LIFR: variants seen among roughly 807,000 people sequenced by gnomAD.
The protein encoded by LIFR is leukemia inhibitory factor receptor.
Under a neutral mutation model 122.2 loss-of-function variants are expected in LIFR, and 84 were observed. The observed-to-expected ratio is 0.69, with a 90% CI of 0.58 to 0.82. The LOEUF is 0.82. Among genes scored for constraint, LIFR ranks in the 40% least tolerant of loss-of-function variants. The probability of loss-of-function intolerance (pLI) is 0.00; values close to 1 mark genes in which losing one functional copy is unlikely to be tolerated. For missense variants in LIFR, 1,294 were observed against 1,311.6 expected, an observed-to-expected ratio of 0.99 and a Z score of 0.21; for synonymous variants, 422 against 434.7, an observed-to-expected ratio of 0.97 and a Z score of 0.36.
intron 1 of LIFR, among the ~76,000 whole-genome samples, chr5:38,536,247 C>A (rs1561187451): frequency 6.6e-6 from 1 of 152,108 alleles, no homozygotes; most frequent in Non-Finnish European, 1.5e-5. Context: ...CTACCATAGA[C>A]CCTTCATATC....
intron 1 of LIFR, among the ~76,000 whole-genome samples, chr5:38,548,067 A>T (rs1747994643): frequency 6.6e-6 from 1 of 152,082 alleles, no homozygotes. Flanking sequence ...CAGTAAGATC[A>T]TGTGCTAGAA....
At chr5:38,555,178 A>T (rs1305867734) in intron 1 of LIFR, 1 of 152,258 alleles carries the variant, frequency 6.6e-6, no homozygotes, top group African/African-American at 2.4e-5. Context: ...GAAGACAACT[A>T]AAAGAATGGT....
At chr5:38,512,717 T>C (rs1745867327) in intron 5 of LIFR, among the ~76,000 whole-genome samples, 1 of 152,020 alleles carries the variant, frequency 6.6e-6, no homozygotes, top group South Asian at 2.1e-4. Flanking sequence ...CCTTTGAGCA[T>C]CATGGTGGTG....
Position 38,480,142 on chromosome 5 carries a change from A to C in LIFR, c.*1453T>G, listed in dbSNP as rs1256327069. On this transcript the variant is annotated 3_prime_UTR_variant, in exon 20 of 20. Coordinates refer to ENST00000453190, the MANE Select transcript of LIFR (RefSeq NM_001127671.2). ...ACAAACAAACAACCAAAAAAAACAA[A>C]CAAAAAAGACATATCTTATTCGGAC... 1 of 228,918 alleles carries C rather than the reference A, an allele frequency of 4.4e-6. No individual in the cohort carries two copies. The highest frequency in any genetic ancestry group is 8.7e-6 in the Non-Finnish European group (1 of 115,588). The allele number at this position is 228,918 out of a possible 1,614,324, so 14.2% of individuals were successfully genotyped here.
chr5:38,605,944 C>G (rs1750319302), intron 2 of LIFR, among the ~76,000 whole-genome samples: 1 of 152,168 alleles, frequency 6.6e-6, no homozygotes, highest in Non-Finnish European at 1.5e-5. Context: ...GTGCCCCGAC[C>G]ACCTCGTCGT....
chr5:38,476,085 A>G lies in LIFR; in HGVS notation c.*5510T>C, dbSNP rs2112331547. 5.0e-6 allele frequency: 1 copy of G among 198,820 alleles called. No homozygotes were observed. The highest frequency in any genetic ancestry group is 1.0e-5 in the Non-Finnish European group (1 of 96,024). 12.3% of individuals were successfully genotyped at this position (198,820 alleles called of 1,614,324 possible). A position where few individuals can be genotyped will look rare whatever the true frequency, so the allele number is the denominator to read the frequency against. ...CACAATGTTATTCATATTTTTCCTA[A>G]ATATTGTGTTGGAAGGAAAAATTAA... On this transcript the variant is annotated 3_prime_UTR_variant, in exon 20 of 20. Transcript: ENST00000453190.
At chr5:38,587,974 A>T (rs1012035666) in intron 1 of LIFR, among the ~76,000 whole-genome samples, 1 of 152,162 alleles carries the variant, frequency 6.6e-6, no homozygotes, top group South Asian at 2.1e-4. Flanking sequence ...CTCAGTTGCT[A>T]CTGTAGAATT....
chr5:38,502,725 T>A lies in LIFR; in HGVS notation c.1512A>T (p.Leu504=), dbSNP rs1239365534. Residue 504 remains leucine (L), a synonymous_variant, in exon 11 of 20, where the codon CTA becomes CTT. Transcript: ENST00000453190. Reference sequence around the variant, plus strand: ...TAGAACAACGAATCCGAAAAGTATATAGAGTGTATGGATTTAACTTGTCCA... The same window carrying A: ...TAGAACAACGAATCCGAAAAGTATAAAGAGTGTATGGATTTAACTTGTCCA... ...VALDKLNPYT[L]YTFRIRCSTE... 6.2e-7 allele frequency: 1 copy of A among 1,610,942 alleles called. No individual in the cohort carries two copies. The highest frequency in any genetic ancestry group is 8.5e-7 in the Non-Finnish European group (1 of 1,177,186).
At position 38,496,516 on chromosome 5, in the gene LIFR, A is replaced by C; in HGVS notation, c.1751T>G (p.Leu584Arg). 1 of 1,613,928 alleles carries C rather than the reference A, an allele frequency of 6.2e-7. No individual in the cohort carries two copies. The highest frequency in any genetic ancestry group is 8.5e-7 in the Non-Finnish European group (1 of 1,179,738). The change falls in exon 13 of 20, where the codon CTT becomes CGT. Residue 584 changes from leucine (L) to arginine (R), a missense_variant. Coordinates refer to ENST00000453190, the MANE Select transcript of LIFR (RefSeq NM_001127671.2). The stretch of plus-strand genomic sequence containing the variant: ...GTGCTGAGGATCAGGGATTTCAGAA[A>C]GGGACTGTGTTTCCTCATCTGATGA... ...SCSSDEETQSLSEIPDPQHKA... is the reference protein window; with the variant it reads ...SCSSDEETQSRSEIPDPQHKA...
At chr5:38,573,445 A>C (rs1379665847) in intron 1 of LIFR, among the ~76,000 whole-genome samples, 1 of 152,250 alleles carries the variant, frequency 6.6e-6, no homozygotes, top group Non-Finnish European at 1.5e-5. Flanking sequence ...CATATTACTT[A>C]GAACAGAAGT....
At chr5:38,493,576 A>C in intron 14 of LIFR, 30 bp downstream of exon 14, 1 of 1,599,516 alleles carries the variant, frequency 6.3e-7, no homozygotes, top group Non-Finnish European at 8.6e-7. Flanking sequence ...ATTTTGTAGA[A>C]CTTAATTGAG....
At chr5:38,503,075 G>A (rs2112458992) in intron 10 of LIFR, among the ~76,000 whole-genome samples, 1 of 152,146 alleles carries the variant, frequency 6.6e-6, no homozygotes, top group South Asian at 2.1e-4. Flanking sequence ...CTGGCTCTAA[G>A]TAATAATGGT....
intron 5 of LIFR, among the ~76,000 whole-genome samples, chr5:38,516,900 C>A (rs1746112157): frequency 6.6e-6 from 1 of 152,130 alleles, no homozygotes; most frequent in Non-Finnish European, 1.5e-5. Context: ...AGTTCATGTC[C>A]TTTGCAGGGA....
At chr5:38,509,569 G>GA (rs1745682444) in intron 7 of LIFR, among the ~76,000 whole-genome samples, 1 of 152,004 alleles carries the variant, frequency 6.6e-6, no homozygotes, top group Non-Finnish European at 1.5e-5. Flanking sequence ...ATCATAAAAA[G>GA]AAAGAAAGAA....
chr5:38,522,886 A>C (rs1746477566), intron 5 of LIFR, among the ~76,000 whole-genome samples: 1 of 152,212 alleles, frequency 6.6e-6, no homozygotes. Flanking sequence ...GAAAGGGAGC[A>C]TTTCCAGGTA....
chr5:38,542,493 G>A (rs10071384), intron 1 of LIFR, among the ~76,000 whole-genome samples: 1 of 151,914 alleles, frequency 6.6e-6, no homozygotes, highest in South Asian at 2.1e-4. Flanking sequence ...CCTGCACAAA[G>A]GCAATGCTTC....
chr5:38,527,086 G>T, intron 4 of LIFR, 69 bp downstream of exon 4: 2 of 1,395,340 alleles, frequency 1.4e-6, no homozygotes, highest in South Asian at 1.3e-5. Flanking sequence ...CAAAAAACTA[G>T]AAAGCACCAC....
chr5:38,503,919 T>C (rs1200005407), intron 10 of LIFR, 57 bp downstream of exon 10: 4 of 1,275,042 alleles, frequency 3.1e-6, no homozygotes, highest in Non-Finnish European at 4.5e-6. Flanking sequence ...GCTTAATTCT[T>C]TTTGAGAACT....
At chr5:38,581,276 A>T (rs1214788907) in intron 1 of LIFR, among the ~76,000 whole-genome samples, 2 of 151,942 alleles carry the variant, frequency 1.3e-5, no homozygotes, top group African/African-American at 2.4e-5. Flanking sequence ...TCTACTATTT[A>T]AAGACTAAAA....
Sources: gnomAD v4.1 joint callset for allele counts (sites outside exome capture counted in the v4.1 genomes callset) on GRCh38, gnomAD v4.1.1 for gene constraint, MANE v1.5 for transcripts, NCBI Gene and HGNC (gene_info 2026-07-23, HGNC 2026-07-21) for gene names.